CMIP: variants seen among roughly 807,000 people sequenced by gnomAD.
CMIP encodes c-Maf inducing protein, also known as C-Maf-inducing protein.
CMIP carries 13 observed loss-of-function variants against 97.3 expected under a neutral mutation model. That is an observed-to-expected ratio of 0.13 (90% CI 0.09 to 0.21). CMIP has a LOEUF of 0.21. CMIP is among the 10% of genes least tolerant of loss of function. CMIP has a pLI of 1.00. For synonymous variants in CMIP, 538 were observed against 436.3 expected (o/e 1.23, Z -2.91); for missense variants, 847 against 1,024.9 (o/e 0.83, Z 2.37).
At chr16:81,672,213 T>G in intron 9 of CMIP, 143 bp downstream of exon 9, 1 of 554,164 alleles carries the variant, frequency 1.8e-6, no homozygotes, top group South Asian at 2.5e-5. Flanking sequence ...TGTTTGCCAG[T>G]TCCCCTGGGC....
intron 1 of CMIP, among the ~76,000 whole-genome samples, chr16:81,522,747 T>C (rs1019128939): frequency 6.6e-6 from 1 of 152,166 alleles, no homozygotes; most frequent in South Asian, 2.1e-4. Context: ...TGCCTTTTTT[T>C]TAAGTGAAAG....
At chr16:81,495,775 A>G (rs1290070293) in intron 1 of CMIP, among the ~76,000 whole-genome samples, 1 of 152,218 alleles carries the variant, frequency 6.6e-6, no homozygotes, top group Non-Finnish European at 1.5e-5. Context: ...GTGGTCAGCC[A>G]TGGCCACTCA....
chr16:81,697,290 T>A (rs1906844501), intron 14 of CMIP: 2 of 152,558 alleles, frequency 1.3e-5, no homozygotes, highest in Admixed American at 6.5e-5. Context: ...CCCACAGAGG[T>A]TCGGTGGCGT....
intron 1 of CMIP, among the ~76,000 whole-genome samples, chr16:81,479,444 A>G (rs909934806): frequency 6.6e-6 from 1 of 152,066 alleles, no homozygotes; most frequent in African/African-American, 2.4e-5. Context: ...ACCCCCATCC[A>G]TCTCCAGAAC....
chr16:81,691,958 C>G (rs1273539507), intron 11 of CMIP, 118 bp downstream of exon 11: 5 of 882,574 alleles, frequency 5.7e-6, no homozygotes, highest in Non-Finnish European at 9.3e-6. Context: ...AGCGGGAAGA[C>G]CCTGGAGACG....
At chr16:81,447,190 G>A (rs1037766481) in intron 1 of CMIP, among the ~76,000 whole-genome samples, 8 of 151,794 alleles carry the variant, frequency 5.3e-5, no homozygotes, top group Non-Finnish European at 1.2e-4. Flanking sequence ...GGAGACCCCA[G>A]ATCTGGCTTC....
intron 3 of CMIP, among the ~76,000 whole-genome samples, chr16:81,649,859 T>C (rs1193336374): frequency 6.6e-6 from 1 of 152,210 alleles, no homozygotes; most frequent in Non-Finnish European, 1.5e-5. Flanking sequence ...ATTCTCTGGG[T>C]ACAAACTAAA....
intron 6 of CMIP, among the ~76,000 whole-genome samples, chr16:81,662,927 G>T (rs1264503585): frequency 6.6e-6 from 1 of 152,060 alleles, no homozygotes; most frequent in East Asian, 1.9e-4. Flanking sequence ...AATTTCCAAG[G>T]TCTTTCAGAC....
At chr16:81,528,800 C>T (rs1016920502) in intron 1 of CMIP, among the ~76,000 whole-genome samples, 35 of 152,178 alleles carry the variant, frequency 2.3e-4, no homozygotes, top group African/African-American at 7.5e-4. Flanking sequence ...CATGCCTGCT[C>T]GCCCTGCTTT....
Position 81,682,567 on chromosome 16 carries a change from CA to C in CMIP, c.1388+3953del, listed in dbSNP as rs113037541. 3.3e-3 allele frequency among the ~76,000 whole-genome samples: 449 copies of C among 134,754 alleles called. 1 individual carries two copies. Among genetic ancestry groups the C allele is most frequent in the Middle Eastern group, 7.5e-3 (2 of 268 alleles). The allele number at this position is 134,754 out of a possible 152,430, so 88.4% of individuals were successfully genotyped here. Reference sequence around the variant, plus strand: ...GCAACAAGAGCGAGACTCCCATCTCCAAAAAAAAAAAAAAGATGACTTTATG... The same window carrying C: ...GCAACAAGAGCGAGACTCCCATCTCCAAAAAAAAAAAAAGATGACTTTATG... On this transcript the variant is annotated intron_variant, in intron 10 of 20. Transcript: ENST00000537098.
intron 1 of CMIP, among the ~76,000 whole-genome samples, chr16:81,499,583 G>A (rs998158808): frequency 2.6e-5 from 4 of 152,168 alleles, no homozygotes; most frequent in Non-Finnish European, 4.4e-5. Context: ...CCATCTTCTG[G>A]GCTGGCCCAG....
chr16:81,638,777 C>G (rs151192791), intron 3 of CMIP, among the ~76,000 whole-genome samples: 2 of 152,094 alleles, frequency 1.3e-5, no homozygotes, highest in Admixed American at 6.5e-5. Context: ...TGCCTCCTGT[C>G]CGCACAGCCT....
At chr16:81,572,758 C>G (rs1045749493) in intron 1 of CMIP, among the ~76,000 whole-genome samples, 3 of 152,178 alleles carry the variant, frequency 2.0e-5, no homozygotes, top group Non-Finnish European at 1.5e-5. Flanking sequence ...GCCAAGGTCC[C>G]TCAGGCTGGT....
chr16:81,457,816 C>T (rs1906650075), intron 1 of CMIP, among the ~76,000 whole-genome samples: 1 of 152,228 alleles, frequency 6.6e-6, no homozygotes, highest in South Asian at 2.1e-4. Flanking sequence ...GCCTTAGGAG[C>T]CCTGTCCCCA....
chr16:81,596,630 C>T (rs1377996524), intron 1 of CMIP, among the ~76,000 whole-genome samples: 1 of 152,090 alleles, frequency 6.6e-6, no homozygotes, highest in Admixed American at 6.5e-5. Flanking sequence ...AGCCAGAATC[C>T]AGACCTAGAA....
intron 1 of CMIP, among the ~76,000 whole-genome samples, chr16:81,524,231 C>G (rs1333675219): frequency 6.6e-6 from 1 of 152,216 alleles, no homozygotes; most frequent in Non-Finnish European, 1.5e-5. Context: ...TGGATTCTCT[C>G]AATTGCTCAG....
chr16:81,487,418 C>T (rs2089334445), intron 1 of CMIP, among the ~76,000 whole-genome samples: 1 of 152,330 alleles, frequency 6.6e-6, no homozygotes, highest in African/African-American at 2.4e-5. Context: ...CCAGACCAAA[C>T]CACACAGCCC....
chr16:81,577,770 A>T (rs991305171), intron 1 of CMIP, among the ~76,000 whole-genome samples: 1 of 144,286 alleles, frequency 6.9e-6, no homozygotes, highest in East Asian at 2.0e-4. Context: ...TATCACTATC[A>T]CCATCACCAT....
chr16:81,577,363 T>C (rs1269240231), intron 1 of CMIP, among the ~76,000 whole-genome samples: 3 of 149,120 alleles, frequency 2.0e-5, no homozygotes, highest in Non-Finnish European at 3.0e-5. Context: ...ATCACCACCA[T>C]CATAACCATC....
Sources: gnomAD v4.1 joint callset for allele counts (sites outside exome capture counted in the v4.1 genomes callset) on GRCh38, gnomAD v4.1.1 for gene constraint, MANE v1.5 for transcripts, NCBI Gene and HGNC (gene_info 2026-07-23, HGNC 2026-07-21) for gene names.